The following CENPL variants were observed in gnomAD, a reference collection of about 807,000 sequenced individuals.
CENPL encodes interphase centromere complex protein 33.
Under a neutral mutation model 35.2 loss-of-function variants are expected in CENPL, and 20 were observed. The ratio of observed to expected loss-of-function variants is 0.57; its 90% CI spans 0.40 to 0.83. The LOEUF (loss-of-function observed/expected upper bound fraction) is 0.83. CENPL is among the 40% of genes least tolerant of loss of function. CENPL has a pLI of 0.00. For missense variants in CENPL, 363 were observed against 395.8 expected (o/e 0.92, Z 0.70); for synonymous variants, 140 against 140.6 (o/e 1.00, Z 0.03).
intron 2 of CENPL, among the ~76,000 whole-genome samples, chr1:173,816,713 C>T (rs1050337143): frequency 6.6e-6 from 1 of 152,122 alleles, no homozygotes; most frequent in African/African-American, 2.4e-5. Flanking sequence ...AAATGTTAGA[C>T]CTAAAACCAT....
chr1:173,809,621 A>C lies in CENPL; in HGVS notation c.168+1511T>G, dbSNP rs184225702. Among the ~76,000 whole-genome samples the C allele has an allele frequency of 2.4e-3, 358 of 152,030 alleles. 1 individual carries two copies. Among genetic ancestry groups the C allele is most frequent in the East Asian group, 7.7e-3 (40 of 5,174 alleles). On this transcript the variant is annotated intron_variant, in intron 3 of 5. Coordinates refer to ENST00000682279, the MANE Select transcript of CENPL (RefSeq NM_001387287.1). ...AAAAAAAAAAACAAAACAACAACAA[A>C]AAAAAAACAACCCCATTAAAAAGTC... is the stretch of plus-strand genomic sequence containing the variant.
intron 4 of CENPL, among the ~76,000 whole-genome samples, chr1:173,805,275 T>C (rs748643644): frequency 2.6e-5 from 4 of 152,182 alleles, no homozygotes; most frequent in Non-Finnish European, 5.9e-5. Flanking sequence ...TCTCAGGACT[T>C]TGGGAGGCCA....
intron 2 of CENPL, among the ~76,000 whole-genome samples, chr1:173,812,046 A>G (rs1650881576): frequency 6.6e-6 from 1 of 152,242 alleles, no homozygotes; most frequent in Admixed American, 6.5e-5. Context: ...TCCCACACCC[A>G]TAGAGCCTTG....
chr1:173,814,220 A>T (rs1651132308), intron 2 of CENPL, among the ~76,000 whole-genome samples: 1 of 152,174 alleles, frequency 6.6e-6, no homozygotes, highest in Non-Finnish European at 1.5e-5. Flanking sequence ...TTAGACTCCC[A>T]CACAATAATA....
chr1:173,819,541 A>G (rs1450047619), intron 2 of CENPL, among the ~76,000 whole-genome samples: 1 of 152,168 alleles, frequency 6.6e-6, no homozygotes, highest in East Asian at 1.9e-4. Flanking sequence ...GTGAGCCAAG[A>G]GCACACCACT....
chr1:173,816,451 A>G lies in CENPL; in HGVS notation c.-7-5145T>C, dbSNP rs535784142. ...TTAAACTATACTACAAGGCCACAGT[A>G]ACCAAAACAGCATGGTACTGGTACC... On this transcript the variant is annotated intron_variant, in intron 2 of 5. Coordinates refer to ENST00000682279, the MANE Select transcript of CENPL (RefSeq NM_001387287.1). Among the ~76,000 whole-genome samples, 4 of 152,328 alleles carry G rather than the reference A, an allele frequency of 2.6e-5. No homozygotes were observed. In the South Asian group the frequency reaches 8.3e-4, roughly 32 times the overall value.
At position 173,811,236 on chromosome 1, in the gene CENPL, T is replaced by C. The variant is rs952181147; in HGVS notation, c.64A>G (p.Ile22Val). The C allele has an allele frequency of 1.9e-6, 3 of 1,613,350 alleles. No homozygotes were observed. The highest frequency in any genetic ancestry group is 2.5e-6 in the Non-Finnish European group (3 of 1,179,286). ...CGTTTCTGCAGAGGAGTGGCACCTA[T>C]AAAGTAATCTTCAGGTCTTGAGGAT... ...SASSRPEDYF[I>V]GATPLQKRLE... The change falls in exon 3 of 6, where the codon ATA becomes GTA. Residue 22 changes from isoleucine to valine, a missense_variant. Transcript: ENST00000682279.
intron 4 of CENPL, among the ~76,000 whole-genome samples, chr1:173,806,967 T>C (rs532345277): frequency 6.6e-6 from 1 of 152,292 alleles, no homozygotes; most frequent in South Asian, 2.1e-4. Flanking sequence ...TATAAGTAAT[T>C]GTCTACAATA....
chr1:173,801,701 TCC>T (rs1314492093), intron 5 of CENPL, among the ~76,000 whole-genome samples: 1 of 151,770 alleles, frequency 6.6e-6, no homozygotes, highest in Non-Finnish European at 1.5e-5. Context: ...GCACCTGTAG[TCC>T]CAGCTACTCG....
chr1:173,800,435 T>TCCAC lies in CENPL; in HGVS notation c.*9_*12dup. On this transcript the variant is annotated 3_prime_UTR_variant, in exon 6 of 6. Coordinates refer to ENST00000682279, the MANE Select transcript of CENPL (RefSeq NM_001387287.1). ...AGAGTATATAATCTATAACTTATAGTCCACATAAGGCTTCACTCAATTTGA... is the reference window on the plus strand; with the variant it reads ...AGAGTATATAATCTATAACTTATAGTCCACCCACATAAGGCTTCACTCAATTTGA... The TCCAC allele has an allele frequency of 9.1e-7, 1 of 1,098,192 alleles. No individual in the cohort carries two copies. The highest frequency in any genetic ancestry group is 1.4e-6 in the Non-Finnish European group (1 of 716,366). 68.0% of individuals were successfully genotyped at this position (1,098,192 alleles called of 1,614,324 possible).
chr1:173,821,244 T>C (rs1168454512), intron 2 of CENPL, among the ~76,000 whole-genome samples: 1 of 152,206 alleles, frequency 6.6e-6, no homozygotes, highest in African/African-American at 2.4e-5. Flanking sequence ...TGCTCCCAGC[T>C]AACAAATAGG....
chr1:173,816,499 G>T (rs981029002), intron 2 of CENPL, among the ~76,000 whole-genome samples: 1 of 152,070 alleles, frequency 6.6e-6, no homozygotes, highest in African/African-American at 2.4e-5. Flanking sequence ...TAGACCAATG[G>T]AACAGAACAG....
chr1:173,823,157 A>T (rs1000661229), intron 2 of CENPL: 7 of 152,202 alleles, frequency 4.6e-5, no homozygotes, highest in African/African-American at 7.2e-5. Flanking sequence ...ATCCATCATC[A>T]GTCTTTCATT....
At position 173,799,617 on chromosome 1, in the gene CENPL, T is replaced by C. The variant is rs1327830542; in HGVS notation, c.*831A>G. ...TTGAACTGTATTTAAAACAGAAGCA[T>C]ATTAATGACTAAAAAAATGTGTATA... On this transcript the variant is annotated 3_prime_UTR_variant, in exon 6 of 6. Transcript: ENST00000682279. 1 of 152,212 alleles carries C rather than the reference T, an allele frequency of 6.6e-6. No homozygotes were observed. Among genetic ancestry groups the C allele is most frequent in the African/African-American group, 2.4e-5 (1 of 41,458 alleles). The allele number at this position is 152,212 out of a possible 1,614,324, so 9.4% of individuals were successfully genotyped here.
intron 2 of CENPL, among the ~76,000 whole-genome samples, chr1:173,814,250 C>T (rs1398166024): frequency 6.6e-6 from 1 of 152,112 alleles, no homozygotes; most frequent in Non-Finnish European, 1.5e-5. Flanking sequence ...TTTCACACCC[C>T]ACTGTCAATA....
intron 3 of CENPL, among the ~76,000 whole-genome samples, chr1:173,810,881 C>T (rs1234454129): frequency 6.6e-6 from 1 of 152,154 alleles, no homozygotes; most frequent in Admixed American, 6.5e-5. Flanking sequence ...CGCGCCACTG[C>T]ACTCCAGCCT....
intron 2 of CENPL, among the ~76,000 whole-genome samples, chr1:173,815,684 T>C (rs995724989): frequency 6.6e-6 from 1 of 152,142 alleles, no homozygotes; most frequent in African/African-American, 2.4e-5. Flanking sequence ...ATGGAACATA[T>C]CTCAAAATAA....
chr1:173,811,277 T>C lies in CENPL; in HGVS notation c.23A>G (p.Glu8Gly). 6.2e-7 allele frequency: 1 copy of C among 1,609,034 alleles called. No individual in the cohort carries two copies. The highest frequency in any genetic ancestry group is 8.5e-7 in the Non-Finnish European group (1 of 1,175,900). The part of the protein sequence containing the change: MDSYSAP[E>G]STPSASSRPE... ...TCTTGAGGATGCACTAGGAGTTGACTCTGGTGCACTGTAAGAATCCATGGT... is the reference window on the plus strand; with the variant it reads ...TCTTGAGGATGCACTAGGAGTTGACCCTGGTGCACTGTAAGAATCCATGGT... Residue 8 changes from glutamate to glycine, a missense_variant, in exon 3 of 6, where the codon GAG (glutamate) becomes GGG (glycine). Glu to Gly is a moderately conservative substitution (Grantham distance 98). Transcript: ENST00000682279.
chr1:173,821,418 T>C (rs944932165), intron 2 of CENPL, among the ~76,000 whole-genome samples: 13 of 152,210 alleles, frequency 8.5e-5, no homozygotes, highest in Admixed American at 7.2e-4. Context: ...CCTGCTGAAT[T>C]TGACTCCTTA....
Sources: gnomAD v4.1 joint callset for allele counts (sites outside exome capture counted in the v4.1 genomes callset) on GRCh38, gnomAD v4.1.1 for gene constraint, MANE v1.5 for transcripts, NCBI Gene and HGNC (gene_info 2026-07-23, HGNC 2026-07-21) for gene names.